Variants in PHACTR3 observed in about 807,000 individuals in gnomAD.
The protein encoded by PHACTR3 is protein phosphatase 1, regulatory subunit 123.
A neutral mutation model predicts 66.8 loss-of-function variants in PHACTR3; 16 were observed. That is an observed-to-expected ratio of 0.24 (90% CI 0.16 to 0.36). The LOEUF (loss-of-function observed/expected upper bound fraction) is 0.36, where lower values mean the gene tolerates loss of function less well. Among genes scored for constraint, PHACTR3 ranks in the 10% least tolerant of loss-of-function variants. PHACTR3 has a pLI of 1.00. For missense variants in PHACTR3, 647 were observed against 719.9 expected (o/e 0.90, Z 1.16); for synonymous variants, 323 against 292.1 (o/e 1.11, Z -1.08).
At chr20:59,784,466 G>T (rs1212784638) in intron 7 of PHACTR3, among the ~76,000 whole-genome samples, 1 of 152,140 alleles carries the variant, frequency 6.6e-6, no homozygotes, top group Admixed American at 6.5e-5. Flanking sequence ...CTCAAGAGCT[G>T]CCAGGGTGGA....
In PHACTR3 at chr20:59,655,612, T is replaced by C. The variant is rs1456085626; in HGVS notation, c.118+50480T>C. On this transcript the variant is annotated intron_variant, in intron 1 of 12. Transcript: ENST00000371015. Reference sequence around the variant, plus strand: ...TTCAAAGAACCAACTCTTTATTTTATTGATTTTCTCTGTTGTTTTTCTATT... The same window carrying C: ...TTCAAAGAACCAACTCTTTATTTTACTGATTTTCTCTGTTGTTTTTCTATT... Among the ~76,000 whole-genome samples the C allele has an allele frequency of 2.6e-5, 4 of 152,120 alleles. No homozygotes were observed. The East Asian group carries it at 7.7e-4, about 29-fold the overall frequency.
At chr20:59,786,749 G>A (rs1298448366) in intron 7 of PHACTR3, among the ~76,000 whole-genome samples, 1 of 151,894 alleles carries the variant, frequency 6.6e-6, no homozygotes, top group African/African-American at 2.4e-5. Flanking sequence ...AGCTCTTTCT[G>A]TGCAGTTGAC....
At chr20:59,745,398 T>C (rs1430339792) in intron 2 of PHACTR3, among the ~76,000 whole-genome samples, 1 of 152,080 alleles carries the variant, frequency 6.6e-6, no homozygotes, top group Non-Finnish European at 1.5e-5. Context: ...GCCGTGTGAG[T>C]TCACCAGCAA....
chr20:59,696,135 G>C (rs2037288989), intron 1 of PHACTR3, among the ~76,000 whole-genome samples: 1 of 152,234 alleles, frequency 6.6e-6, no homozygotes, highest in African/African-American at 2.4e-5. Flanking sequence ...TTTAGGAAGA[G>C]TGAACATAGT....
At chr20:59,639,267 A>G (rs1032340596) in intron 1 of PHACTR3, among the ~76,000 whole-genome samples, 3 of 152,126 alleles carry the variant, frequency 2.0e-5, no homozygotes, top group Admixed American at 6.5e-5. Context: ...GGAAACAAAG[A>G]CATAGTATTT....
chr20:59,700,066 C>A (rs1333899997), intron 1 of PHACTR3, among the ~76,000 whole-genome samples: 1 of 152,190 alleles, frequency 6.6e-6, no homozygotes, highest in African/African-American at 2.4e-5. Flanking sequence ...TTACAAGTTT[C>A]TTTTTCATGA....
intron 1 of PHACTR3, among the ~76,000 whole-genome samples, chr20:59,605,706 C>G (rs928628405): frequency 2.6e-5 from 4 of 152,224 alleles, no homozygotes; most frequent in Non-Finnish European, 4.4e-5. Flanking sequence ...GGACAGAGCC[C>G]GGTTTCGTGA....
intron 1 of PHACTR3, among the ~76,000 whole-genome samples, chr20:59,717,169 G>C (rs545775549): frequency 6.6e-6 from 1 of 152,094 alleles, no homozygotes; most frequent in East Asian, 1.9e-4. Context: ...TTATTTCTTG[G>C]ATTCATGAAA....
intron 5 of PHACTR3, among the ~76,000 whole-genome samples, 159 bp downstream of exon 5, chr20:59,767,554 T>C (rs2040220890): frequency 6.6e-6 from 1 of 152,250 alleles, no homozygotes; most frequent in Admixed American, 6.5e-5. Flanking sequence ...GCACCAACTG[T>C]GGGCTGGTTC....
At chr20:59,729,808 C>T (rs1054225049) in intron 1 of PHACTR3, among the ~76,000 whole-genome samples, 12 of 152,152 alleles carry the variant, frequency 7.9e-5, no homozygotes, top group African/African-American at 2.9e-4. Flanking sequence ...GCGAGCAGCC[C>T]TGATGACATC....
At chr20:59,629,884 C>A (rs80299985) in intron 1 of PHACTR3, among the ~76,000 whole-genome samples, 2,422 of 152,288 alleles carry the variant, frequency 0.016, 73 homozygotes, top group African/African-American at 0.055. Flanking sequence ...CCCAACTCCC[C>A]GTGATGGCAT....
At chr20:59,722,793 T>A (rs368001664) in intron 1 of PHACTR3, among the ~76,000 whole-genome samples, 263 of 151,850 alleles carry the variant, frequency 1.7e-3, no homozygotes, top group South Asian at 0.012. Flanking sequence ...TAGCAAATAC[T>A]CATGCTTGTT....
intron 1 of PHACTR3, among the ~76,000 whole-genome samples, chr20:59,635,095 T>TTCTTTCTC (rs2034799727): frequency 7.6e-6 from 1 of 131,316 alleles, no homozygotes; most frequent in African/African-American, 3.0e-5. Flanking sequence ...CTTTCTTTCT[T>TTCTTTCTC]TCTCTCTCTT....
intron 1 of PHACTR3, among the ~76,000 whole-genome samples, chr20:59,647,481 G>C (rs1255666505): frequency 6.6e-6 from 1 of 152,170 alleles, no homozygotes. Flanking sequence ...GTGGTGCAGG[G>C]CAGCAGGTGG....
At chr20:59,707,149 G>GC (rs761896984) in intron 1 of PHACTR3, among the ~76,000 whole-genome samples, 10 of 152,378 alleles carry the variant, frequency 6.6e-5, no homozygotes, top group Middle Eastern at 3.4e-3. Context: ...GACCACGCCA[G>GC]CAGGGCTCTG....
At chr20:59,667,059 G>A (rs143888008) in intron 1 of PHACTR3, among the ~76,000 whole-genome samples, 7 of 152,320 alleles carry the variant, frequency 4.6e-5, no homozygotes, top group African/African-American at 1.4e-4. Context: ...GACAAGTAAC[G>A]TGGGACACAG....
chr20:59,733,979 A>G (rs568847193), intron 1 of PHACTR3, among the ~76,000 whole-genome samples: 10 of 151,888 alleles, frequency 6.6e-5, no homozygotes, highest in African/African-American at 2.2e-4. Flanking sequence ...TTCCCCCTAC[A>G]GTCTGCCATC....
At position 59,616,801 on chromosome 20, in the gene PHACTR3, T is replaced by G. The variant is rs543076925; in HGVS notation, c.118+11669T>G. 2.0e-5 allele frequency among the ~76,000 whole-genome samples: 3 copies of G among 152,352 alleles called. No individual in the cohort carries two copies. The South Asian group carries it at 6.2e-4, about 32-fold the overall frequency. ...ATCCTTGCAAGTAGCTGGTTCTGCT[T>G]TGATGTGAAATAACAAAAGATTTAG... On this transcript the variant is annotated intron_variant, in intron 1 of 12. Coordinates refer to ENST00000371015, the MANE Select transcript of PHACTR3 (RefSeq NM_080672.5).
rs1430865854 is a variant in PHACTR3, at chr20:59,829,744, CTGTT to C, written c.1329-6760_1329-6757del. On this transcript the variant is annotated intron_variant, in intron 8 of 12. Transcript: ENST00000371015. The surrounding 1 kb of genome is among the most constrained non-coding windows in gnomAD (Gnocchi z 4.2). Reference sequence around the variant, plus strand: ...GCGTCCCCTGTGGGTGTCGAGCTGTCTGTTCTCTCTAGGAAGGCATTCTGCCTTG... The same window carrying C: ...GCGTCCCCTGTGGGTGTCGAGCTGTCCTCTCTAGGAAGGCATTCTGCCTTG... Among the ~76,000 whole-genome samples, 2 of 152,240 alleles carry C rather than the reference CTGTT, an allele frequency of 1.3e-5. No homozygotes were observed. Among genetic ancestry groups the C allele is most frequent in the Admixed American group, 6.5e-5 (1 of 15,284 alleles).
Sources: gnomAD v4.1 joint callset for allele counts (sites outside exome capture counted in the v4.1 genomes callset) on GRCh38, gnomAD v4.1.1 for gene constraint, Gnocchi (gnomAD v3.1) non-coding constraint, MANE v1.5 for transcripts, NCBI Gene and HGNC (gene_info 2026-07-23, HGNC 2026-07-21) for gene names.